PTPRG: variants seen among roughly 807,000 people sequenced by gnomAD.
PTPRG encodes protein tyrosine phosphatase receptor type G, also known as receptor-type tyrosine-protein phosphatase gamma.
PTPRG carries 102 observed loss-of-function variants against 165.3 expected under a neutral mutation model. The ratio of observed to expected loss-of-function variants is 0.62; its 90% CI spans 0.53 to 0.73. The LOEUF is 0.73. PTPRG is among the 30% of genes least tolerant of loss of function. The pLI is 0.00. For missense variants in PTPRG, 1,866 were observed against 1,861.4 expected (o/e 1.00, Z -0.05); for synonymous variants, 675 against 669.5 (o/e 1.01, Z -0.13).
chr3:61,701,199 G>A (rs1366526523), intron 1 of PTPRG, among the ~76,000 whole-genome samples: 1 of 152,178 alleles, frequency 6.6e-6, no homozygotes, highest in East Asian at 1.9e-4. Flanking sequence ...TAATTAGGTT[G>A]CATGCTGAGC....
At chr3:61,618,175 C>T (rs1701350796) in intron 1 of PTPRG, among the ~76,000 whole-genome samples, 1 of 152,078 alleles carries the variant, frequency 6.6e-6, no homozygotes, top group African/African-American at 2.4e-5. Flanking sequence ...CAGCCATGTG[C>T]TATGTGAAAG....
intron 6 of PTPRG, among the ~76,000 whole-genome samples, chr3:62,149,802 G>T (rs1418103301): frequency 6.6e-6 from 1 of 152,140 alleles, no homozygotes; most frequent in Non-Finnish European, 1.5e-5. Flanking sequence ...ACTCAGTTGT[G>T]TCACCTCTTC....
At chr3:62,267,177 G>A (rs752904123) in intron 17 of PTPRG, among the ~76,000 whole-genome samples, 2 of 152,012 alleles carry the variant, frequency 1.3e-5, no homozygotes, top group African/African-American at 4.8e-5. Context: ...AAATACAGAG[G>A]ACTACAATTT....
rs182602820 is a variant in PTPRG, at chr3:62,004,931, A to G, written c.519+1434A>G. 9.2e-5 allele frequency among the ~76,000 whole-genome samples: 14 copies of G among 152,306 alleles called. No individual in the cohort carries two copies. In the East Asian group the frequency reaches 2.7e-3, roughly 29 times the overall value. On this transcript the variant is annotated intron_variant, in intron 4 of 29. Coordinates refer to ENST00000474889, the MANE Select transcript of PTPRG (RefSeq NM_002841.4). ...CTACACATAGATTTACATGTAACTG[A>G]TAGGGTTTCGTCATTCTCCCTAGCT...
intron 2 of PTPRG, among the ~76,000 whole-genome samples, chr3:61,779,706 G>T (rs1304857647): frequency 1.3e-5 from 2 of 152,158 alleles, no homozygotes; most frequent in Non-Finnish European, 2.9e-5. Context: ...AGTATTCCAA[G>T]AAGTTTATGT....
chr3:61,703,424 AT>A lies in PTPRG; in HGVS notation c.86-45448del, dbSNP rs61209820. 5.6e-3 allele frequency among the ~76,000 whole-genome samples: 848 copies of A among 152,222 alleles called. 11 individuals carry two copies. Among genetic ancestry groups the A allele is most frequent in the African/African-American group, 0.019 (791 of 41,542 alleles). ...GAGTAGCTGTGTCAACTAGGCTGAC[AT>A]TTTTTCTCTTTTGGCTTTATTTCGT... On this transcript the variant is annotated intron_variant, in intron 1 of 29. Transcript: ENST00000474889.
chr3:61,922,377 C>T (rs1413870700), intron 2 of PTPRG, among the ~76,000 whole-genome samples: 1 of 152,190 alleles, frequency 6.6e-6, no homozygotes, highest in Non-Finnish European at 1.5e-5. Flanking sequence ...GATGTGCGCT[C>T]TGGTTGGGGA....
At chr3:61,604,404 A>T (rs1700945644) in intron 1 of PTPRG, among the ~76,000 whole-genome samples, 1 of 152,214 alleles carries the variant, frequency 6.6e-6, no homozygotes, top group Non-Finnish European at 1.5e-5. Flanking sequence ...TCAACTTTTA[A>T]CTTCTGCCAG....
intron 6 of PTPRG, among the ~76,000 whole-genome samples, chr3:62,141,117 C>G (rs114756869): frequency 6.6e-6 from 1 of 151,972 alleles, no homozygotes; most frequent in South Asian, 2.1e-4. Context: ...CAGCACATAC[C>G]AAATAGTCAA....
intron 2 of PTPRG, among the ~76,000 whole-genome samples, chr3:61,887,507 C>T (rs918526400): frequency 6.6e-6 from 1 of 152,094 alleles, no homozygotes; most frequent in Non-Finnish European, 1.5e-5. Flanking sequence ...AAACAAAAAA[C>T]CAAACCAAAT....
At chr3:61,723,502 GT>G (rs2032134764) in intron 1 of PTPRG, among the ~76,000 whole-genome samples, 1 of 152,030 alleles carries the variant, frequency 6.6e-6, no homozygotes, top group African/African-American at 2.4e-5. Context: ...CGAGGTCCTT[GT>G]TTCTATCAAA....
In PTPRG at chr3:62,297,454, T is replaced by A. The variant is rs1476635850; in HGVS notation, c.*4147T>A. On this transcript the variant is annotated 3_prime_UTR_variant, in exon 30 of 30. Transcript: ENST00000474889. ...GACCCATTTGGAAAAAGTGTGCTTT[T>A]TTTTTTTTTTTAAATTTGTTCAGGG... 6.6e-6 allele frequency: 1 copy of A among 151,870 alleles called. No homozygotes were observed. Among genetic ancestry groups the A allele is most frequent in the African/African-American group, 2.4e-5 (1 of 41,388 alleles). 9.4% of individuals were successfully genotyped at this position (151,870 alleles called of 1,614,324 possible).
intron 1 of PTPRG, among the ~76,000 whole-genome samples, chr3:61,669,514 T>C (rs542359434): frequency 6.6e-6 from 1 of 152,300 alleles, no homozygotes; most frequent in African/African-American, 2.4e-5. Context: ...TCCTAGACTT[T>C]ACTGTCTCTG....
intron 2 of PTPRG, among the ~76,000 whole-genome samples, chr3:61,827,804 C>G (rs1371345772): frequency 6.6e-6 from 1 of 152,098 alleles, no homozygotes; most frequent in Non-Finnish European, 1.5e-5. Flanking sequence ...TGACCCTATC[C>G]TGATACAGTT....
chr3:62,262,059 G>C (rs936117215), intron 16 of PTPRG: 8 of 152,200 alleles, frequency 5.3e-5, no homozygotes, highest in African/African-American at 1.9e-4. Flanking sequence ...AGCATATAGT[G>C]TAGAAAAATT....
At chr3:61,712,989 A>T (rs2031637364) in intron 1 of PTPRG, among the ~76,000 whole-genome samples, 1 of 152,126 alleles carries the variant, frequency 6.6e-6, no homozygotes, top group Non-Finnish European at 1.5e-5. Flanking sequence ...GGTATTAGTA[A>T]CATACCAACT....
intron 1 of PTPRG, among the ~76,000 whole-genome samples, chr3:61,634,825 G>A (rs947450407): frequency 1.3e-5 from 2 of 152,190 alleles, no homozygotes; most frequent in South Asian, 4.1e-4. Context: ...CTGCTGGAAT[G>A]TGATGCCATA....
chr3:61,855,306 C>T (rs2037068909), intron 2 of PTPRG, among the ~76,000 whole-genome samples: 2 of 152,204 alleles, frequency 1.3e-5, no homozygotes, highest in Non-Finnish European at 2.9e-5. Context: ...GCAGTTCTCT[C>T]AGAACCATGG....
intron 2 of PTPRG, among the ~76,000 whole-genome samples, chr3:61,799,850 C>T (rs1318650091): frequency 6.6e-6 from 1 of 152,120 alleles, no homozygotes; most frequent in African/African-American, 2.4e-5. Context: ...TAACATTTTT[C>T]CCCAGAACAG....
Sources: gnomAD v4.1 joint callset for allele counts (sites outside exome capture counted in the v4.1 genomes callset) on GRCh38, gnomAD v4.1.1 for gene constraint, MANE v1.5 for transcripts, NCBI Gene and HGNC (gene_info 2026-07-23, HGNC 2026-07-21) for gene names.